TWNK: variants seen among roughly 807,000 people sequenced by gnomAD.
TWNK encodes twinkle mtDNA helicase.
A neutral mutation model predicts 58.2 loss-of-function variants in TWNK; 36 were observed. That is an observed-to-expected ratio of 0.62 (90% CI 0.47 to 0.82). The LOEUF is 0.82. Ranked by LOEUF, TWNK falls within the 40% of genes least tolerant of loss-of-function variation. TWNK has a pLI of 0.00. For missense variants in TWNK, 714 were observed against 881.0 expected, an observed-to-expected ratio of 0.81 and a Z score of 2.40; for synonymous variants, 349 against 348.5, an observed-to-expected ratio of 1.00 and a Z score of -0.02.
intron 4 of TWNK, 196 bp downstream of exon 4, chr10:100,991,206 C>T (rs1851763858): frequency 2.7e-6 from 2 of 739,370 alleles, no homozygotes; most frequent in Non-Finnish European, 4.3e-6. Context: ...CTCTTCTTGT[C>T]CCCCAGGAGC....
In TWNK at chr10:100,992,021, A is replaced by T. The variant is rs12415910; in HGVS notation, c.1734+1011A>T. Among the ~76,000 whole-genome samples, 16 of 145,132 alleles carry T rather than the reference A, an allele frequency of 1.1e-4. No homozygotes were observed. In the East Asian group the frequency reaches 1.2e-3, roughly 11 times the overall value. ...GACAGAGTGAGACTCCGTCTCAAAA[A>T]ATATATATATATAATATATATATAT... On this transcript the variant is annotated intron_variant, in intron 4 of 4. Coordinates refer to ENST00000311916, the MANE Select transcript of TWNK (RefSeq NM_021830.5).
chr10:100,987,931 T>C lies in TWNK; in HGVS notation c.-280T>C. ...TGTCAGTGAGGAACTGTATAGAGGGTCATAGAGGTGAGGTGGCGGAGAGAA... is the reference window on the plus strand; with the variant it reads ...TGTCAGTGAGGAACTGTATAGAGGGCCATAGAGGTGAGGTGGCGGAGAGAA... On this transcript the variant is annotated 5_prime_UTR_variant, in exon 1 of 5. Transcript: ENST00000311916. 1 of 617,414 alleles carries C rather than the reference T, an allele frequency of 1.6e-6. No individual in the cohort carries two copies. Among genetic ancestry groups the C allele is most frequent in the East Asian group, 2.7e-5 (1 of 36,646 alleles). The allele number at this position is 617,414 out of a possible 1,614,324, so 38.2% of individuals were successfully genotyped here.
At position 100,990,508 on chromosome 10, in the gene TWNK, G is replaced by A; in HGVS notation, c.1557G>A (p.Gln519=). 1 of 1,614,228 alleles carries A rather than the reference G, an allele frequency of 6.2e-7. No individual in the cohort carries two copies. Among genetic ancestry groups the A allele is most frequent in the Non-Finnish European group, 8.5e-7 (1 of 1,180,030 alleles). Residue 519 remains glutamine, a synonymous_variant, in exon 3 of 5, where the codon CAG becomes CAA. Coordinates refer to ENST00000311916, the MANE Select transcript of TWNK (RefSeq NM_021830.5). Reference sequence around the variant, plus strand: ...GTCATGTGATCATCGACAACCTGCAGTTCATGATGGGTCACGAGCAGCTGT... The same window carrying A: ...GTCATGTGATCATCGACAACCTGCAATTCATGATGGGTCACGAGCAGCTGT... ...DICHVIIDNL[Q]FMMGHEQLST... is the part of the protein sequence containing the mutation.
At chr10:100,993,151 C>G in intron 4 of TWNK, 39 bp from the exon 5 acceptor site, 1 of 1,608,434 alleles carries the variant, frequency 6.2e-7, no homozygotes, top group South Asian at 1.1e-5. Flanking sequence ...CTCATGTCCT[C>G]TTACTCCTGC....
rs863223922 is a variant in TWNK at position 100,989,706 on chromosome 10, G to A, written c.1306G>A (p.Gly436Arg). ...GTATGCCCTGGATTTGTGTTCCCAGGGGGTGAACACACTGTGGGGTAGCTT... is the reference window on the plus strand; with the variant it reads ...GTATGCCCTGGATTTGTGTTCCCAGAGGGTGAACACACTGTGGGGTAGCTT... ...SEYALDLCSQGVNTLWGSFEI... is the reference protein window; with the variant it reads ...SEYALDLCSQRVNTLWGSFEI... The change falls in exon 2 of 5, where the codon GGG becomes AGG. Residue 436 changes from glycine to arginine, a missense_variant. Transcript: ENST00000311916. The surrounding 1 kb of genome is among the most constrained non-coding windows in gnomAD (Gnocchi z 7.6). 2 of 1,614,026 alleles carry A rather than the reference G, an allele frequency of 1.2e-6. No individual in the cohort carries two copies. Among genetic ancestry groups the A allele is most frequent in the East Asian group, 2.2e-5 (1 of 44,894 alleles).
rs187769827 is a variant in TWNK, at chr10:100,990,823, G to A, written c.1593-46G>A. ...GGATCAAGAGTATGTGTATGTTCTT[G>A]TCCTTCTGTGTCTGATAAGCTCTTT... On this transcript the variant is annotated intron_variant, in intron 3 of 4. Coordinates refer to ENST00000311916, the MANE Select transcript of TWNK (RefSeq NM_021830.5). 6 of 1,609,204 alleles carry A rather than the reference G, an allele frequency of 3.7e-6. No homozygotes were observed. The Admixed American group carries it at 1.0e-4, about 27-fold the overall frequency.
chr10:100,987,870 G>T lies in TWNK; in HGVS notation c.-341G>T. 1.7e-6 allele frequency: 1 copy of T among 595,832 alleles called. No individual in the cohort carries two copies. The allele number at this position is 595,832 out of a possible 1,614,324, so 36.9% of individuals were successfully genotyped here. ...AGGACGACGAGGAGATGCTGTGGAG[G>T]AGCAGTAGAGGTGAGAAGATGATGC... On this transcript the variant is annotated 5_prime_UTR_variant, in exon 1 of 5. Transcript: ENST00000311916.
chr10:100,990,843 C>G (rs1851749584), intron 3 of TWNK, 26 bp from the exon 4 acceptor site: 2 of 1,613,514 alleles, frequency 1.2e-6, no homozygotes, highest in Admixed American at 1.7e-5. Flanking sequence ...GTCTGATAAG[C>G]TCTTTGTGTT....
intron 2 of TWNK, 145 bp from the exon 3 acceptor site, chr10:100,990,291 C>T: frequency 1.3e-6 from 1 of 754,906 alleles, no homozygotes; most frequent in Non-Finnish European, 2.4e-6. Flanking sequence ...CCAGCCTGGG[C>T]TACAGAGCAA....
intron 2 of TWNK, 65 bp from the exon 3 acceptor site, chr10:100,990,371 C>T: frequency 1.8e-6 from 2 of 1,142,508 alleles, no homozygotes; most frequent in Non-Finnish European, 2.7e-6. Flanking sequence ...TTTCAGGATG[C>T]TAGTTCTTCT....
rs746515280 is a variant in TWNK at position 100,993,507 on chromosome 10, G to A, written c.2052G>A (p.Lys684=). The A allele has an allele frequency of 6.2e-7, 1 of 1,613,974 alleles. No individual in the cohort carries two copies. Among genetic ancestry groups the A allele is most frequent in the South Asian group, 1.1e-5 (1 of 91,090 alleles). Residue 684 remains lysine, a synonymous_variant, in exon 5 of 5, where the codon AAG becomes AAA. Transcript: ENST00000311916. Reference sequence around the variant, plus strand: ...AGCCAGACACCTCCAAGCGTTCAAAGTGAAGGCCGTGCAGAGCTGGTCACT... The same window carrying A: ...AGCCAGACACCTCCAAGCGTTCAAAATGAAGGCCGTGCAGAGCTGGTCACT... ...PDQPDTSKRS[K]
chr10:100,993,336 C>T lies in TWNK; in HGVS notation c.1881C>T (p.Thr627=). The change falls in exon 5 of 5, where the codon ACC becomes ACT. Residue 627 remains threonine, a synonymous_variant. Transcript: ENST00000311916. ...TTGAGTTCAACAAGAACTCCCTCAC[C>T]TTCTCCATTCCACCAAAGAACAAGG... is the stretch of plus-strand genomic sequence containing the variant. ...FPLEFNKNSL[T]FSIPPKNKAR... is the part of the protein sequence containing the mutation. 1 of 1,614,206 alleles carries T rather than the reference C, an allele frequency of 6.2e-7. No homozygotes were observed. The highest frequency in any genetic ancestry group is 8.5e-7 in the Non-Finnish European group (1 of 1,180,044).
At chr10:100,990,336 G>A in intron 2 of TWNK, 100 bp from the exon 3 acceptor site, 1 of 852,446 alleles carries the variant, frequency 1.2e-6, no homozygotes, top group Admixed American at 1.7e-5. Flanking sequence ...AATAATAGAA[G>A]GGCAGAGGAG....
rs1851626218 is a variant in TWNK, at chr10:100,988,046, C to G, written c.-165C>G. The stretch of plus-strand genomic sequence containing the variant: ...GTAGATGGGCATATGTGTGAAGCAG[C>G]AACGTAGAGGGGCTGAAGAGGAGAA... On this transcript the variant is annotated 5_prime_UTR_variant, in exon 1 of 5. Transcript: ENST00000311916. This position sits in a 1 kb window ranked among gnomAD's most constrained non-coding sequence, Gnocchi z 5.2. 1.2e-6 allele frequency: 1 copy of G among 818,742 alleles called. No individual in the cohort carries two copies. The highest frequency in any genetic ancestry group is 2.0e-5 in the Admixed American group (1 of 51,240). The allele number at this position is 818,742 out of a possible 1,614,324, so 50.7% of individuals were successfully genotyped here. A position where few individuals can be genotyped will look rare whatever the true frequency, so the allele number is the denominator to read the frequency against.
Position 100,989,290 on chromosome 10 carries a change from G to A in TWNK, c.1080G>A (p.Leu360=). The change falls in exon 1 of 5, where the codon CTG becomes CTA. Residue 360 remains leucine (L), a synonymous_variant. Coordinates refer to ENST00000311916, the MANE Select transcript of TWNK (RefSeq NM_021830.5). The surrounding 1 kb of genome is among the most constrained non-coding windows in gnomAD (Gnocchi z 7.6). Reference sequence around the variant, plus strand: ...TTTCTCGTATTCTTCGTACCGCCCTGCCTGCCTGGCACAAGTCCATCGTAT... The same window carrying A: ...TTTCTCGTATTCTTCGTACCGCCCTACCTGCCTGGCACAAGTCCATCGTAT... ...FNLSRILRTA[L]PAWHKSIVSF... The A allele has an allele frequency of 6.2e-7, 1 of 1,614,152 alleles. No individual in the cohort carries two copies. Among genetic ancestry groups the A allele is most frequent in the Non-Finnish European group, 8.5e-7 (1 of 1,180,038 alleles).
chr10:100,990,768 G>A, intron 3 of TWNK, 101 bp from the exon 4 acceptor site: 2 of 1,569,144 alleles, frequency 1.3e-6, no homozygotes, highest in Admixed American at 1.7e-5. Flanking sequence ...AGGTAGAGTG[G>A]GTTGTGGTAG....
Position 100,989,759 on chromosome 10 carries a change from G to T in TWNK, c.1359G>T (p.Arg453=), listed in dbSNP as rs1331165883. The T allele has an allele frequency of 1.9e-6, 3 of 1,614,036 alleles. No individual in the cohort carries two copies. Among genetic ancestry groups the T allele is most frequent in the African/African-American group, 2.7e-5 (2 of 74,898 alleles). The stretch of plus-strand genomic sequence containing the variant: ...AGATCAGCAATGTGAGACTAGCCCG[G>T]GTCATGCTGACACAGTTTGCCGAGG... ...SFEISNVRLA[R]VMLTQFAEGR... is the part of the protein sequence containing the mutation. Residue 453 remains arginine, a synonymous_variant, in exon 2 of 5, where the codon CGG becomes CGT. Transcript: ENST00000311916. The surrounding 1 kb of genome is among the most constrained non-coding windows in gnomAD (Gnocchi z 7.6).
Position 100,989,038 on chromosome 10 carries a change from G to C in TWNK, c.828G>C (p.Thr276=), listed in dbSNP as rs754745412. The change falls in exon 1 of 5, where the codon ACG becomes ACC. Residue 276 remains threonine, a synonymous_variant. Coordinates refer to ENST00000311916, the MANE Select transcript of TWNK (RefSeq NM_021830.5). This position sits in a 1 kb window ranked among gnomAD's most constrained non-coding sequence, Gnocchi z 7.6. The part of the protein sequence containing the change: ...ELDSLALNQS[T]GLPTLTLPRG... ...ACAGCCTGGCCTTGAACCAGTCCAC[G>C]GGGCTGCCTACCCTTACTCTACCCC... is the stretch of plus-strand genomic sequence containing the variant. 2 of 1,614,100 alleles carry C rather than the reference G, an allele frequency of 1.2e-6. No homozygotes were observed. The highest frequency in any genetic ancestry group is 2.2e-5 in the East Asian group (1 of 44,878).
chr10:100,991,879 G>C (rs1293486585), intron 4 of TWNK, among the ~76,000 whole-genome samples: 5 of 151,378 alleles, frequency 3.3e-5, no homozygotes, highest in African/African-American at 1.2e-4. Context: ...AATTAGCCGG[G>C]CGTGGTGGCA....
Sources: allele counts gnomAD v4.1 joint callset (sites outside exome capture counted in the v4.1 genomes callset), GRCh38; gene constraint gnomAD v4.1.1; non-coding constraint Gnocchi (gnomAD v3.1); transcripts MANE v1.5; gene names NCBI Gene and HGNC (gene_info 2026-07-23, HGNC 2026-07-21).